CHSY1: variants seen among roughly 807,000 people sequenced by gnomAD.
The protein encoded by CHSY1 is chondroitin sulfate synthase 1, also known as N-acetylgalactosaminyl-proteoglycan 3-beta-glucuronosyltransferase 1.
A neutral mutation model predicts 59.8 loss-of-function variants in CHSY1; 13 were observed. The observed-to-expected ratio is 0.22, with a 90% CI of 0.14 to 0.35. CHSY1 has a LOEUF of 0.35. Among genes scored for constraint, CHSY1 ranks in the 10% least tolerant of loss-of-function variants. The pLI is 1.00. For missense variants in CHSY1, 947 were observed against 1,030.6 expected (o/e 0.92, Z 1.11); for synonymous variants, 459 against 401.2 (o/e 1.14, Z -1.72).
intron 2 of CHSY1, among the ~76,000 whole-genome samples, chr15:101,205,824 G>A (rs1343853123): frequency 2.0e-5 from 3 of 151,980 alleles, no homozygotes; most frequent in African/African-American, 7.3e-5. Context: ...GGTGGTGGGC[G>A]CCCGTAGTCC....
chr15:101,204,585 T>C (rs1268638717), intron 2 of CHSY1, among the ~76,000 whole-genome samples: 1 of 151,062 alleles, frequency 6.6e-6, no homozygotes, highest in African/African-American at 2.4e-5. Context: ...AAAATAAAAA[T>C]TGCCCCCCAA....
intron 2 of CHSY1, among the ~76,000 whole-genome samples, chr15:101,215,596 G>A (rs531476792): frequency 5.3e-5 from 8 of 152,300 alleles, no homozygotes; most frequent in East Asian, 3.9e-4. Flanking sequence ...TTAGCCAGGC[G>A]TGGTAGTGCA....
intron 2 of CHSY1, among the ~76,000 whole-genome samples, chr15:101,220,461 T>C (rs1001297541): frequency 1.1e-4 from 16 of 152,184 alleles, no homozygotes; most frequent in Non-Finnish European, 2.9e-5. Context: ...CCTGTCTCTC[T>C]CCCCACATCC....
chr15:101,192,327 A>G (rs1236414051), intron 2 of CHSY1, among the ~76,000 whole-genome samples: 1 of 152,238 alleles, frequency 6.6e-6, no homozygotes, highest in Non-Finnish European at 1.5e-5. Context: ...TAAACATTAC[A>G]ACAGAAGAGA....
At chr15:101,201,409 G>A (rs79672899) in intron 2 of CHSY1, among the ~76,000 whole-genome samples, 1,659 of 152,328 alleles carry the variant, frequency 0.011, 31 homozygotes, top group African/African-American at 0.038. Flanking sequence ...AGGTGGGGAC[G>A]AGTGAGCAGA....
At chr15:101,217,063 A>T (rs1296812274) in intron 2 of CHSY1, among the ~76,000 whole-genome samples, 1 of 152,250 alleles carries the variant, frequency 6.6e-6, no homozygotes, top group Non-Finnish European at 1.5e-5. Flanking sequence ...AGGCAAAAGA[A>T]AATGTACATA....
intron 2 of CHSY1, among the ~76,000 whole-genome samples, chr15:101,211,524 A>T (rs868168307): frequency 1.3e-5 from 2 of 152,324 alleles, no homozygotes; most frequent in Middle Eastern, 6.8e-3. Flanking sequence ...ACAGATGCAA[A>T]AATGGGACAG....
At chr15:101,246,231 A>G (rs563784986) in intron 1 of CHSY1, among the ~76,000 whole-genome samples, 2 of 152,304 alleles carry the variant, frequency 1.3e-5, no homozygotes, top group South Asian at 4.1e-4. Flanking sequence ...CTGACAACAT[A>G]AAAAAAGAAC....
intron 2 of CHSY1, among the ~76,000 whole-genome samples, chr15:101,213,193 T>C (rs2038698763): frequency 6.6e-6 from 1 of 152,172 alleles, no homozygotes; most frequent in Non-Finnish European, 1.5e-5. Context: ...ATCAACTGTA[T>C]GGAACAGTGA....
chr15:101,235,681 TA>T (rs2038934366), intron 1 of CHSY1, 104 bp from the exon 2 acceptor site: 2 of 1,314,874 alleles, frequency 1.5e-6, no homozygotes, highest in Non-Finnish European at 2.2e-6. Flanking sequence ...AATGGAATGA[TA>T]AAAAGCTACT....
chr15:101,212,358 T>C (rs1346129779), intron 2 of CHSY1, among the ~76,000 whole-genome samples: 2 of 152,188 alleles, frequency 1.3e-5, no homozygotes, highest in African/African-American at 4.8e-5. Flanking sequence ...AAACAAAATC[T>C]TGTTCAAGAG....
intron 2 of CHSY1, among the ~76,000 whole-genome samples, chr15:101,222,070 CA>C (rs1234396403): frequency 1.3e-5 from 2 of 152,286 alleles, no homozygotes; most frequent in East Asian, 3.9e-4. Context: ...AGTAATAACA[CA>C]GCACATTATA....
chr15:101,195,155 G>T (rs908967717), intron 2 of CHSY1, among the ~76,000 whole-genome samples: 6 of 152,052 alleles, frequency 3.9e-5, no homozygotes, highest in Non-Finnish European at 7.4e-5. Context: ...TTCTGGAAAC[G>T]GGAGGAATCA....
At chr15:101,179,792 C>T (rs927048636) in intron 2 of CHSY1, among the ~76,000 whole-genome samples, 1 of 152,216 alleles carries the variant, frequency 6.6e-6, no homozygotes, top group Non-Finnish European at 1.5e-5. Context: ...GCCTCCGCCC[C>T]GTGGCGCAGG....
chr15:101,241,947 C>G (rs1278351084), intron 1 of CHSY1, among the ~76,000 whole-genome samples: 1 of 152,184 alleles, frequency 6.6e-6, no homozygotes, highest in Non-Finnish European at 1.5e-5. Flanking sequence ...CTCCTGTATA[C>G]TTTAAATAGT....
intron 2 of CHSY1, among the ~76,000 whole-genome samples, chr15:101,232,541 C>G (rs970798111): frequency 6.6e-6 from 1 of 152,056 alleles, no homozygotes; most frequent in African/African-American, 2.4e-5. Flanking sequence ...TGTAAGAAAA[C>G]ATACAGGAGA....
At chr15:101,220,364 G>T (rs1326351565) in intron 2 of CHSY1, among the ~76,000 whole-genome samples, 1 of 152,100 alleles carries the variant, frequency 6.6e-6, no homozygotes, top group Non-Finnish European at 1.5e-5. Flanking sequence ...GATGGTATTT[G>T]TATATCAAGC....
At chr15:101,205,900 C>A (rs559847083) in intron 2 of CHSY1, among the ~76,000 whole-genome samples, 5 of 151,232 alleles carry the variant, frequency 3.3e-5, no homozygotes, top group African/African-American at 1.2e-4. Flanking sequence ...TGCAGTGAGC[C>A]GAGATAGCGC....
At chr15:101,223,035 C>A (rs2038806386) in intron 2 of CHSY1, among the ~76,000 whole-genome samples, 1 of 152,190 alleles carries the variant, frequency 6.6e-6, no homozygotes, top group Non-Finnish European at 1.5e-5. Flanking sequence ...TGCTCTTTGC[C>A]CAGGCTGTAG....
Sources: gnomAD v4.1 joint callset for allele counts (sites outside exome capture counted in the v4.1 genomes callset) on GRCh38, gnomAD v4.1.1 for gene constraint, MANE v1.5 for transcripts, NCBI Gene and HGNC (gene_info 2026-07-23, HGNC 2026-07-21) for gene names.